Variants in TBCE observed in about 807,000 individuals in gnomAD.
TBCE encodes tubulin-specific chaperone E.
TBCE carries 53 observed loss-of-function variants against 77.0 expected under a neutral mutation model. The ratio of observed to expected loss-of-function variants is 0.69; its 90% CI spans 0.55 to 0.87. TBCE has a LOEUF of 0.87. Among genes scored for constraint, TBCE ranks in the 40% least tolerant of loss-of-function variants. TBCE has a pLI of 0.00. For missense variants in TBCE, 624 were observed against 622.4 expected, an observed-to-expected ratio of 1.00 and a Z score of -0.03; for synonymous variants, 235 against 241.3, an observed-to-expected ratio of 0.97 and a Z score of 0.24.
intron 1 of TBCE, 32 bp from the exon 2 acceptor site, chr1:235,379,987 A>T: frequency 7.5e-7 from 1 of 1,334,020 alleles, no homozygotes; most frequent in Admixed American, 1.7e-5. Flanking sequence ...AATTGTATTA[A>T]GTTCTTATCA....
intron 2 of TBCE, among the ~76,000 whole-genome samples, chr1:235,397,491 G>A (rs558045955): frequency 3.4e-4 from 52 of 152,320 alleles, no homozygotes; most frequent in African/African-American, 1.1e-3. Flanking sequence ...GGGATTACAG[G>A]CGTAAGCCAC....
rs1019824980 is a variant in TBCE at position 235,393,014 on chromosome 1, TA to T, written c.101-8480del. On this transcript the variant is annotated intron_variant, in intron 2 of 16. Transcript: ENST00000642610. The stretch of plus-strand genomic sequence containing the variant: ...GAGATGCTGTCTCTAAAAAAATTAA[TA>T]AAAAAAAATTCTGCTTTAGCTTTTT... Among the ~76,000 whole-genome samples, 4 of 151,426 alleles carry T rather than the reference TA, an allele frequency of 2.6e-5. No individual in the cohort carries two copies. In the East Asian group the frequency reaches 5.8e-4, roughly 22 times the overall value.
intron 3 of TBCE, among the ~76,000 whole-genome samples, chr1:235,408,709 G>A (rs922968801): frequency 2.0e-5 from 3 of 152,118 alleles, no homozygotes; most frequent in Non-Finnish European, 4.4e-5. Flanking sequence ...ATGTTACAGC[G>A]CTGAACACTG....
intron 3 of TBCE, 80 bp downstream of exon 3, chr1:235,401,667 G>C: frequency 8.1e-7 from 1 of 1,239,534 alleles, no homozygotes; most frequent in Non-Finnish European, 1.2e-6. Context: ...TGGAGAGGAA[G>C]AAATGTTTGG....
intron 4 of TBCE, chr1:235,418,481 C>G (rs543467087): frequency 6.6e-6 from 1 of 152,332 alleles, no homozygotes; most frequent in Admixed American, 6.5e-5. Flanking sequence ...ACAAGATTCT[C>G]TACACTTAAC....
chr1:235,369,146 T>A lies in TBCE; in HGVS notation c.-32+1642T>A, dbSNP rs1054235605. On this transcript the variant is annotated intron_variant, in intron 1 of 16. Transcript: ENST00000642610. ...CATCACAGTATCTCGGTTGATCCTT[T>A]AAAAAAAAATCAGATTTATGTCTTT... is the stretch of plus-strand genomic sequence containing the variant. Among the ~76,000 whole-genome samples, 3 of 151,396 alleles carry A rather than the reference T, an allele frequency of 2.0e-5. No individual in the cohort carries two copies. In the Admixed American group the frequency reaches 2.0e-4, roughly 10 times the overall value.
chr1:235,396,266 G>A (rs1395129559), intron 2 of TBCE, among the ~76,000 whole-genome samples: 2 of 151,920 alleles, frequency 1.3e-5, no homozygotes, highest in East Asian at 1.9e-4. Flanking sequence ...CACCATGTTA[G>A]CCAGGATGGT....
At position 235,441,602 on chromosome 1, in the gene TBCE, G is replaced by T. The variant is rs942751915; in HGVS notation, c.1271-212G>T. The T allele has an allele frequency of 7.3e-5, 42 of 577,882 alleles. No individual in the cohort carries two copies. The African/African-American group carries it at 7.5e-4, about 10-fold the overall frequency. The allele number at this position is 577,882 out of a possible 1,614,324, so 35.8% of individuals were successfully genotyped here. ...AACAATGAGCTAGATAAGCTACAGA[G>T]TCTGCAGCTCTGGGTAGATAGAAGA... On this transcript the variant is annotated intron_variant, in intron 13 of 16. Coordinates refer to ENST00000642610, the MANE Select transcript of TBCE (RefSeq NM_003193.5).
intron 3 of TBCE, 39 bp downstream of exon 3, chr1:235,401,626 A>T: frequency 6.6e-7 from 1 of 1,523,236 alleles, no homozygotes; most frequent in Middle Eastern, 1.7e-4. Flanking sequence ...CATTTAGTCA[A>T]GATTATATTT....
At chr1:235,420,013 A>C (rs1427412777) in intron 5 of TBCE, among the ~76,000 whole-genome samples, 3 of 152,014 alleles carry the variant, frequency 2.0e-5, no homozygotes, top group Non-Finnish European at 2.9e-5. Context: ...TGAACCCGCT[A>C]GGCGGAGGTT....
At chr1:235,378,029 C>G (rs568079104) in intron 1 of TBCE, among the ~76,000 whole-genome samples, 1 of 152,148 alleles carries the variant, frequency 6.6e-6, no homozygotes, top group South Asian at 2.1e-4. Flanking sequence ...TATCTATATA[C>G]CAATGGAGTT....
At position 235,411,280 on chromosome 1, in the gene TBCE, A is replaced by C. The variant is rs1023578816; in HGVS notation, c.186-3153A>C. Among the ~76,000 whole-genome samples the C allele has an allele frequency of 2.0e-5, 3 of 152,086 alleles. No homozygotes were observed. The East Asian group carries it at 5.8e-4, about 29-fold the overall frequency. On this transcript the variant is annotated intron_variant, in intron 3 of 16. Transcript: ENST00000642610. Reference sequence around the variant, plus strand: ...AACTGTGTAGACAAGGAGTGAGGCCAGTTTTCCCAAGCGGCTTTTATTGGC... The same window carrying C: ...AACTGTGTAGACAAGGAGTGAGGCCCGTTTTCCCAAGCGGCTTTTATTGGC...
At chr1:235,414,832 C>T (rs1680022719) in intron 4 of TBCE, 2 of 549,904 alleles carry the variant, frequency 3.6e-6, no homozygotes, top group South Asian at 2.0e-5. Context: ...ATCCAGTTTG[C>T]AATTGAAATA....
intron 1 of TBCE, among the ~76,000 whole-genome samples, chr1:235,377,069 C>T (rs1677343592): frequency 6.6e-6 from 1 of 152,214 alleles, no homozygotes; most frequent in South Asian, 2.1e-4. Context: ...ATGTTTAGAT[C>T]TGGATCCTGG....
chr1:235,369,905 C>T (rs1050812658), intron 1 of TBCE, among the ~76,000 whole-genome samples: 1 of 151,904 alleles, frequency 6.6e-6, no homozygotes. Context: ...AGCCCTGCTT[C>T]ACTGCTGATC....
At chr1:235,421,782 T>G (rs974168297) in intron 5 of TBCE, among the ~76,000 whole-genome samples, 1 of 152,180 alleles carries the variant, frequency 6.6e-6, no homozygotes, top group Non-Finnish European at 1.5e-5. Context: ...CCCCAATTCA[T>G]TAAGTCTGTC....
intron 2 of TBCE, among the ~76,000 whole-genome samples, chr1:235,399,534 T>C (rs1229496773): frequency 2.0e-5 from 3 of 152,204 alleles, no homozygotes; most frequent in African/African-American, 7.2e-5. Context: ...GAGGCAGGAA[T>C]GCTAATGTCT....
At chr1:235,412,332 G>A (rs1470990913) in intron 3 of TBCE, among the ~76,000 whole-genome samples, 1 of 135,530 alleles carries the variant, frequency 7.4e-6, no homozygotes, top group African/African-American at 2.8e-5. Flanking sequence ...CTGGGCTCAA[G>A]CAATTCTCTT....
At chr1:235,444,680 T>C (rs912502203) in intron 15 of TBCE, among the ~76,000 whole-genome samples, 3 of 152,216 alleles carry the variant, frequency 2.0e-5, no homozygotes, top group African/African-American at 7.2e-5. Context: ...GCTGGGGTTA[T>C]AGGTGTGAGC....
Sources: gnomAD v4.1 joint callset for allele counts (sites outside exome capture counted in the v4.1 genomes callset) on GRCh38, gnomAD v4.1.1 for gene constraint, MANE v1.5 for transcripts, NCBI Gene and HGNC (gene_info 2026-07-23, HGNC 2026-07-21) for gene names.